ZFYVE16: variants seen among roughly 807,000 people sequenced by gnomAD.
The protein encoded by ZFYVE16 is zinc finger FYVE-type containing 16, also known as zinc finger FYVE domain-containing protein 16.
ZFYVE16 carries 89 observed loss-of-function variants against 138.1 expected under a neutral mutation model. That is an observed-to-expected ratio of 0.64 (90% CI 0.54 to 0.77). ZFYVE16 has a LOEUF of 0.77. ZFYVE16 is among the 30% of genes least tolerant of loss of function. The pLI is 0.00. For missense variants in ZFYVE16, 1,793 were observed against 1,786.7 expected, an observed-to-expected ratio of 1.00 and a Z score of -0.06; for synonymous variants, 596 against 618.3, an observed-to-expected ratio of 0.96 and a Z score of 0.53.
At chr5:80,424,487 G>T (rs1308683022) in intron 1 of ZFYVE16, among the ~76,000 whole-genome samples, 4 of 149,302 alleles carry the variant, frequency 2.7e-5, no homozygotes, top group African/African-American at 9.9e-5. Context: ...TTTGAGACAG[G>T]ATCTTGCTCT....
At chr5:80,440,373 C>T (rs1236523562) in intron 5 of ZFYVE16, 2 of 1,003,090 alleles carry the variant, frequency 2.0e-6, no homozygotes, top group Non-Finnish European at 2.4e-6. Flanking sequence ...CTTACAGATA[C>T]CTACCAATAG....
Position 80,434,187 on chromosome 5 carries a change from A to C in ZFYVE16, c.40A>C (p.Lys14Gln). Residue 14 changes from lysine to glutamine, a missense_variant, in exon 3 of 19, where the codon AAA becomes CAA. Coordinates refer to ENST00000505560, the MANE Select transcript of ZFYVE16 (RefSeq NM_001284236.3). ...YFKAAVSDLDKLLDDFEQNPD... is the reference protein window; with the variant it reads ...YFKAAVSDLDQLLDDFEQNPD... ...TAAAGCAGCTGTCAGTGACTTGGACAAACTCCTTGATGATTTTGAACAGAA... is the reference window on the plus strand; with the variant it reads ...TAAAGCAGCTGTCAGTGACTTGGACCAACTCCTTGATGATTTTGAACAGAA... 1 of 1,613,550 alleles carries C rather than the reference A, an allele frequency of 6.2e-7. No individual in the cohort carries two copies. Among genetic ancestry groups the C allele is most frequent in the Non-Finnish European group, 8.5e-7 (1 of 1,179,660 alleles).
At chr5:80,468,390 G>A (rs1753950228) in intron 15 of ZFYVE16, among the ~76,000 whole-genome samples, 2 of 152,168 alleles carry the variant, frequency 1.3e-5, no homozygotes, top group South Asian at 4.1e-4. Context: ...GTATAGCCTA[G>A]TGCATACCTA....
chr5:80,433,505 G>T (rs974092491), intron 2 of ZFYVE16, among the ~76,000 whole-genome samples: 4 of 152,078 alleles, frequency 2.6e-5, no homozygotes, highest in Non-Finnish European at 5.9e-5. Context: ...GTTAATGGGT[G>T]CAGCACACCA....
intron 15 of ZFYVE16, among the ~76,000 whole-genome samples, chr5:80,465,120 C>G (rs1440452340): frequency 1.3e-5 from 2 of 151,916 alleles, no homozygotes; most frequent in Admixed American, 1.3e-4. Context: ...ATGTAGTTAC[C>G]TTACCTATTC....
intron 18 of ZFYVE16, among the ~76,000 whole-genome samples, chr5:80,476,526 A>G (rs928139938): frequency 6.6e-6 from 1 of 152,162 alleles, no homozygotes; most frequent in Non-Finnish European, 1.5e-5. Flanking sequence ...TGTAAAAACA[A>G]TTTGTTTTTC....
At position 80,480,298 on chromosome 5, in the gene ZFYVE16, C is replaced by T. The variant is rs999578158; in HGVS notation, c.*2921C>T. 1.3e-5 allele frequency among the ~76,000 whole-genome samples: 2 copies of T among 151,988 alleles called. No individual in the cohort carries two copies. Among genetic ancestry groups the T allele is most frequent in the Non-Finnish European group, 2.9e-5 (2 of 67,978 alleles). The stretch of plus-strand genomic sequence containing the variant: ...GGAAAAGAACTGAATATAAACATTA[C>T]AAGAATATACATAAAAACTGCACTT... On this transcript the variant is annotated 3_prime_UTR_variant, in exon 19 of 19. Coordinates refer to ENST00000505560, the MANE Select transcript of ZFYVE16 (RefSeq NM_001284236.3).
At chr5:80,470,102 T>TG (rs1491134484) in intron 15 of ZFYVE16, among the ~76,000 whole-genome samples, 1 of 20,278 alleles carries the variant, frequency 4.9e-5, no homozygotes, top group African/African-American at 7.7e-5. Flanking sequence ...TGTGTGTGTA[T>TG]TTTTTTTTTT....
At chr5:80,465,396 C>CTTTCTTTTTTTTTTTTTTTT (rs1187412933) in intron 15 of ZFYVE16, among the ~76,000 whole-genome samples, 1 of 26,380 alleles carries the variant, frequency 3.8e-5, no homozygotes, top group Non-Finnish European at 1.0e-4. Context: ...TTTTCCTTTT[C>CTTTCTTTTTTTTTTTTTTTT]TTTGTTTTTT....
At chr5:80,459,937 A>G (rs1176411774) in intron 15 of ZFYVE16, among the ~76,000 whole-genome samples, 1 of 152,172 alleles carries the variant, frequency 6.6e-6, no homozygotes, top group Non-Finnish European at 1.5e-5. Flanking sequence ...CAATGTATTC[A>G]TCTCCTGATC....
In ZFYVE16 at chr5:80,456,882, A is replaced by G. The variant is rs1181307650; in HGVS notation, c.3796-63A>G. ...GAAGCTGGCCAGAAACGTGGCTCTT[A>G]GAATAGGCATATAATATTAAAAGTG... is the stretch of plus-strand genomic sequence containing the variant. On this transcript the variant is annotated intron_variant, in intron 13 of 18. Coordinates refer to ENST00000505560, the MANE Select transcript of ZFYVE16 (RefSeq NM_001284236.3). The G allele has an allele frequency of 9.3e-6, 14 of 1,503,638 alleles. No homozygotes were observed. The East Asian group carries it at 3.3e-4, about 36-fold the overall frequency. The allele number at this position is 1,503,638 out of a possible 1,614,324, so 93.1% of individuals were successfully genotyped here.
rs943233121 is a variant in ZFYVE16, at chr5:80,477,637, A to G, written c.*260A>G. The G allele has an allele frequency of 7.0e-6, 2 of 287,250 alleles. No individual in the cohort carries two copies. The highest frequency in any genetic ancestry group is 1.3e-5 in the Non-Finnish European group (2 of 157,976). 17.8% of individuals were successfully genotyped at this position (287,250 alleles called of 1,614,324 possible). ...GACAAGGATTTCTTTTAAGAAATTT[A>G]TAGCATTTACTGTGTTATTTAAATG... On this transcript the variant is annotated 3_prime_UTR_variant, in exon 19 of 19. Transcript: ENST00000505560.
chr5:80,420,754 A>G (rs1290379856), intron 1 of ZFYVE16, among the ~76,000 whole-genome samples: 1 of 152,164 alleles, frequency 6.6e-6, no homozygotes, highest in Non-Finnish European at 1.5e-5. Flanking sequence ...CGCAATAAAC[A>G]TATGTGTGCA....
Position 80,436,882 on chromosome 5 carries a change from G to T in ZFYVE16, c.197G>T (p.Cys66Phe), listed in dbSNP as rs200739138. ...LPKDQECVNS[C>F]ASSETSYGTN... ...AAAGACCAAGAGTGCGTTAATAGTT[G>T]TGCCTCATCAGAAACAAGCTATGGA... The change falls in exon 4 of 19, where the codon TGT becomes TTT. Residue 66 changes from cysteine to phenylalanine, a missense_variant. Cys to Phe is a radical substitution (Grantham distance 205). Transcript: ENST00000505560. 9.4e-4 allele frequency: 1,521 copies of T among 1,613,980 alleles called. 3 individuals are homozygous for T. Among genetic ancestry groups the T allele is most frequent in the Non-Finnish European group, 1.2e-3 (1,441 of 1,180,024 alleles).
intron 14 of ZFYVE16, among the ~76,000 whole-genome samples, chr5:80,458,143 A>C (rs538476087): frequency 4.0e-5 from 6 of 151,702 alleles, no homozygotes; most frequent in Non-Finnish European, 8.8e-5. Flanking sequence ...TAAATAGATG[A>C]TTTTATACTG....
In ZFYVE16 at chr5:80,432,064, C is replaced by T. The variant is rs1329331725; in HGVS notation, c.-39-2045C>T. ...ACATCAAGCTACCAATGACTTTCTT[C>T]ACAGAATTGGCAAAAACTACTTTAA... On this transcript the variant is annotated intron_variant, in intron 2 of 18. Transcript: ENST00000505560. Among the ~76,000 whole-genome samples the T allele has an allele frequency of 2.0e-5, 3 of 152,270 alleles. No homozygotes were observed. In the East Asian group the frequency reaches 5.8e-4, roughly 29 times the overall value.
At position 80,451,560 on chromosome 5, in the gene ZFYVE16, T is replaced by G; in HGVS notation, c.3458T>G (p.Leu1153Arg). 2 of 1,613,980 alleles carry G rather than the reference T, an allele frequency of 1.2e-6. No individual in the cohort carries two copies. Among genetic ancestry groups the G allele is most frequent in the Non-Finnish European group, 1.7e-6 (2 of 1,179,936 alleles). Residue 1153 changes from leucine to arginine, a missense_variant, in exon 11 of 19, where the codon CTG becomes CGG. Leu to Arg is a moderately radical substitution (Grantham distance 102). Around this residue, in one of 2 missense-constraint regions of ZFYVE16, gnomAD observed 498 missense variants for 582.4 expected, o/e 0.86. Transcript: ENST00000505560. ...AGTAGCAAGGATCACGGAGGATTCC[T>G]GTTTATTACACCTACTTTTCAGAAA... ...FLSSKDHGGF[L>R]FITPTFQKLD...
At chr5:80,435,789 G>A (rs2544599) in intron 3 of ZFYVE16, 340,031 of 404,832 alleles carry the variant, frequency 0.84, 147,062 homozygotes, top group East Asian at 0.93. Context: ...TGCTCAGGCT[G>A]GTCTTGAACT....
chr5:80,432,570 G>T lies in ZFYVE16; in HGVS notation c.-39-1539G>T, dbSNP rs6868804. Among the ~76,000 whole-genome samples the T allele has an allele frequency of 6.2e-3, 950 of 152,280 alleles. 10 individuals are homozygous for T. The highest frequency in any genetic ancestry group is 0.021 in the African/African-American group (879 of 41,558). ...AGCACCAAAAGCAATGGCAACAAAA[G>T]CCAAAATTGACAAATGGGATCAGAT... is the stretch of plus-strand genomic sequence containing the variant. On this transcript the variant is annotated intron_variant, in intron 2 of 18. Coordinates refer to ENST00000505560, the MANE Select transcript of ZFYVE16 (RefSeq NM_001284236.3).
Sources: allele counts gnomAD v4.1 joint callset (sites outside exome capture counted in the v4.1 genomes callset), GRCh38; gene constraint gnomAD v4.1.1; regional missense constraint gnomAD v4.1.1; transcripts MANE v1.5; gene names NCBI Gene and HGNC (gene_info 2026-07-23, HGNC 2026-07-21).